The following KLHL1 variants were observed in gnomAD, a reference collection of about 807,000 sequenced individuals.
KLHL1 encodes kelch-like protein 1.
Under a neutral mutation model 77.7 loss-of-function variants are expected in KLHL1, and 47 were observed. The observed-to-expected ratio is 0.60, with a 90% CI of 0.48 to 0.77. The LOEUF (loss-of-function observed/expected upper bound fraction) is 0.77. KLHL1 is among the 30% of genes least tolerant of loss of function. The probability of loss-of-function intolerance (pLI) is 0.00; values close to 1 mark genes in which losing one functional copy is unlikely to be tolerated. For synonymous variants in KLHL1, 360 were observed against 325.2 expected, an observed-to-expected ratio of 1.11 and a Z score of -1.15; for missense variants, 925 against 910.8, an observed-to-expected ratio of 1.02 and a Z score of -0.20.
chr13:69,716,939 A>G (rs1872788095), intron 9 of KLHL1, among the ~76,000 whole-genome samples: 1 of 152,110 alleles, frequency 6.6e-6, no homozygotes, highest in Non-Finnish European at 1.5e-5. Context: ...TTCCACCAAG[A>G]TGCTCTTACT....
At chr13:69,932,086 T>G (rs1219157432) in intron 4 of KLHL1, among the ~76,000 whole-genome samples, 1 of 151,784 alleles carries the variant, frequency 6.6e-6, no homozygotes, top group African/African-American at 2.4e-5. Flanking sequence ...ATTCATCTAT[T>G]CTTTCTTTCA....
chr13:69,859,128 C>A (rs78686489), intron 5 of KLHL1, among the ~76,000 whole-genome samples: 1,908 of 152,174 alleles, frequency 0.013, 45 homozygotes, highest in African/African-American at 0.043. Context: ...TATATTTAGA[C>A]TGTAACTGTA....
intron 2 of KLHL1, among the ~76,000 whole-genome samples, chr13:69,962,988 T>G (rs1184535299): frequency 6.6e-6 from 1 of 152,218 alleles, no homozygotes; most frequent in African/African-American, 2.4e-5. Context: ...CTTCATATAT[T>G]CACTTTTGCA....
chr13:69,774,597 G>A (rs1032811350), intron 7 of KLHL1, among the ~76,000 whole-genome samples: 1 of 151,842 alleles, frequency 6.6e-6, no homozygotes, highest in Non-Finnish European at 1.5e-5. Context: ...TCACAAGTGT[G>A]GCTCTGCTTT....
At chr13:70,104,672 A>G (rs1888006332) in intron 1 of KLHL1, among the ~76,000 whole-genome samples, 1 of 152,140 alleles carries the variant, frequency 6.6e-6, no homozygotes, top group Non-Finnish European at 1.5e-5. Flanking sequence ...ATTAAATATG[A>G]CATCATTGTT....
chr13:69,706,861 G>A (rs1354600500), intron 10 of KLHL1, among the ~76,000 whole-genome samples: 1 of 148,282 alleles, frequency 6.7e-6, no homozygotes, highest in Non-Finnish European at 1.5e-5. Flanking sequence ...AGTTTGCCCT[G>A]GCCTCATCTT....
At chr13:69,840,242 G>T (rs1047741857) in intron 5 of KLHL1, among the ~76,000 whole-genome samples, 2 of 151,518 alleles carry the variant, frequency 1.3e-5, no homozygotes, top group South Asian at 4.2e-4. Context: ...ATTTTTTTTT[G>T]AGACAAACTC....
intron 1 of KLHL1, among the ~76,000 whole-genome samples, chr13:70,068,071 G>T (rs929758540): frequency 6.6e-6 from 1 of 150,886 alleles, no homozygotes. Flanking sequence ...GCCAGATGCA[G>T]TTGCTCACGC....
At chr13:69,813,827 G>A (rs1342638037) in intron 6 of KLHL1, among the ~76,000 whole-genome samples, 2 of 152,116 alleles carry the variant, frequency 1.3e-5, no homozygotes, top group East Asian at 3.8e-4. Flanking sequence ...ACTGCTCAAA[G>A]CAATCTACAG....
chr13:70,085,628 C>A lies in KLHL1; in HGVS notation c.497+21575G>T, dbSNP rs1400662878. On this transcript the variant is annotated intron_variant, in intron 1 of 10. Coordinates refer to ENST00000377844, the MANE Select transcript of KLHL1 (RefSeq NM_020866.3). ...CTTGTAATCTCAGCACTTTGGGAGG[C>A]CGAGGCTGGAAGATCACCTGAGGTC... Among the ~76,000 whole-genome samples, 7 of 152,236 alleles carry A rather than the reference C, an allele frequency of 4.6e-5. No homozygotes were observed. The East Asian group carries it at 1.4e-3, about 29-fold the overall frequency.
At chr13:69,834,263 G>A (rs1313005896) in intron 6 of KLHL1, among the ~76,000 whole-genome samples, 1 of 151,378 alleles carries the variant, frequency 6.6e-6, no homozygotes, top group African/African-American at 2.4e-5. Flanking sequence ...TACATAAATT[G>A]GGGGGAGAAA....
At chr13:70,003,616 T>C (rs1885345126) in intron 1 of KLHL1, among the ~76,000 whole-genome samples, 1 of 151,898 alleles carries the variant, frequency 6.6e-6, no homozygotes, top group South Asian at 2.1e-4. Context: ...AGCTTCATTC[T>C]CCAAATGCAT....
intron 4 of KLHL1, among the ~76,000 whole-genome samples, chr13:69,899,883 A>G (rs1881796856): frequency 6.6e-6 from 1 of 152,004 alleles, no homozygotes; most frequent in African/African-American, 2.4e-5. Flanking sequence ...AACAATAGCT[A>G]TTTTCACTCT....
chr13:70,104,788 T>G (rs1888010377), intron 1 of KLHL1, among the ~76,000 whole-genome samples: 1 of 152,102 alleles, frequency 6.6e-6, no homozygotes, highest in Non-Finnish European at 1.5e-5. Flanking sequence ...CTGGATGTGC[T>G]GTCACAGAAA....
chr13:69,924,013 C>A (rs1287987864), intron 4 of KLHL1, among the ~76,000 whole-genome samples: 2 of 152,184 alleles, frequency 1.3e-5, no homozygotes, highest in African/African-American at 4.8e-5. Context: ...AGGCTAAGCC[C>A]GAGGGCTGTT....
intron 7 of KLHL1, among the ~76,000 whole-genome samples, chr13:69,796,383 G>T (rs1316982554): frequency 6.6e-6 from 1 of 152,080 alleles, no homozygotes; most frequent in African/African-American, 2.4e-5. Flanking sequence ...GCTTGGTGCT[G>T]TCCTCATGGT....
intron 9 of KLHL1, among the ~76,000 whole-genome samples, chr13:69,711,330 C>CA (rs1593763279): frequency 6.6e-6 from 1 of 151,660 alleles, no homozygotes; most frequent in East Asian, 1.9e-4. Flanking sequence ...ACCAAAGACA[C>CA]AAAAAAAGAA....
At chr13:69,780,376 G>T (rs897967623) in intron 7 of KLHL1, among the ~76,000 whole-genome samples, 2 of 151,858 alleles carry the variant, frequency 1.3e-5, no homozygotes, top group Admixed American at 6.6e-5. Context: ...TCCTTTTAAA[G>T]AAACATATTG....
In KLHL1 at chr13:70,107,233, C is replaced by T. The variant is rs779988180; in HGVS notation, c.467G>A (p.Ser156Asn). The T allele has an allele frequency of 6.2e-7, 1 of 1,612,976 alleles. No homozygotes were observed. The highest frequency in any genetic ancestry group is 1.3e-5 in the African/African-American group (1 of 74,932). Residue 156 changes from serine to asparagine, a missense_variant, in exon 1 of 11, where the codon AGC becomes AAC. Physicochemically the swap from Ser to Asn is conservative, Grantham distance 46 (BLOSUM62 1). Coordinates refer to ENST00000377844, the MANE Select transcript of KLHL1 (RefSeq NM_020866.3). ...TCCACATCCTTCACCTGTTGCCTGG[C>T]TAGAGTTGTCTGGCTCCACTTTGAG... ...QELKVEPDNS[S>N]QATGEGCGHR...
Sources: gnomAD v4.1 joint callset for allele counts (sites outside exome capture counted in the v4.1 genomes callset) on GRCh38, gnomAD v4.1.1 for gene constraint, MANE v1.5 for transcripts, NCBI Gene and HGNC (gene_info 2026-07-23, HGNC 2026-07-21) for gene names.